SBF2: variants seen among roughly 807,000 people sequenced by gnomAD.
SBF2 encodes SET binding factor 2.
In SBF2, 112 loss-of-function variants were observed where a neutral mutation model predicts 225.2. The ratio of observed to expected loss-of-function variants is 0.50; its 90% confidence interval spans 0.43 to 0.58. SBF2 has a LOEUF of 0.58. Ranked by LOEUF, SBF2 falls within the 20% of genes least tolerant of loss-of-function variation. The probability of loss-of-function intolerance (pLI) is 0.00; values close to 1 mark genes in which losing one functional copy is unlikely to be tolerated. For missense variants in SBF2, 1,996 were observed against 2,206.2 expected, an observed-to-expected ratio of 0.90 and a Z score of 1.91; for synonymous variants, 763 against 773.3, an observed-to-expected ratio of 0.99 and a Z score of 0.22.
At position 10,112,242 on chromosome 11, in the gene SBF2, A is replaced by C. The variant is rs1217396876; in HGVS notation, c.142-69261T>G. On this transcript the variant is annotated intron_variant, in intron 2 of 39. Transcript: ENST00000256190. ...CCTGATATGGTTTGGCTATGTCCCC[A>C]CCCAAATCTCACCTTGAATTGTAAC... Among the ~76,000 whole-genome samples, 8 of 152,330 alleles carry C rather than the reference A, an allele frequency of 5.3e-5. No homozygotes were observed. The East Asian group carries it at 1.5e-3, about 29-fold the overall frequency.
intron 9 of SBF2, among the ~76,000 whole-genome samples, chr11:9,995,617 A>G (rs1431325301): frequency 1.3e-5 from 2 of 151,552 alleles, no homozygotes; most frequent in Non-Finnish European, 1.5e-5. Flanking sequence ...TAGTTTGACA[A>G]TACATTATGC....
chr11:10,122,535 A>G (rs1282300279), intron 2 of SBF2, among the ~76,000 whole-genome samples: 4 of 152,254 alleles, frequency 2.6e-5, no homozygotes, highest in Non-Finnish European at 4.4e-5. Flanking sequence ...TATGTGGCAC[A>G]CAGCCAAGGT....
chr11:10,208,271 G>A (rs1957810693), intron 1 of SBF2, among the ~76,000 whole-genome samples: 1 of 152,042 alleles, frequency 6.6e-6, no homozygotes, highest in Admixed American at 6.6e-5. Context: ...CACTATGATT[G>A]CTGATCTGAA....
chr11:10,285,516 T>C (rs1963698394), intron 1 of SBF2, among the ~76,000 whole-genome samples: 1 of 152,158 alleles, frequency 6.6e-6, no homozygotes, highest in African/African-American at 2.4e-5. Context: ...AAGTAAATAA[T>C]TGTGTAATTT....
intron 16 of SBF2, among the ~76,000 whole-genome samples, chr11:9,930,890 C>G (rs912525887): frequency 6.6e-6 from 1 of 152,222 alleles, no homozygotes; most frequent in Non-Finnish European, 1.5e-5. Context: ...CGGGACACTC[C>G]CACCCAAATA....
In SBF2 at chr11:10,226,364, T is replaced by C. The variant is rs369313839; in HGVS notation, c.56-32377A>G. On this transcript the variant is annotated intron_variant, in intron 1 of 39. Coordinates refer to ENST00000256190, the MANE Select transcript of SBF2 (RefSeq NM_030962.4). ...TATTATTATAGTTTAAGTTTTAGGGTACATGTGCACAACGTGCAGGTTTGT... is the reference window on the plus strand; with the variant it reads ...TATTATTATAGTTTAAGTTTTAGGGCACATGTGCACAACGTGCAGGTTTGT... Among the ~76,000 whole-genome samples, 6 of 152,188 alleles carry C rather than the reference T, an allele frequency of 3.9e-5. No homozygotes were observed. In the East Asian group the frequency reaches 5.8e-4, roughly 15 times the overall value.
chr11:10,245,024 C>T (rs1452322902), intron 1 of SBF2, among the ~76,000 whole-genome samples: 3 of 150,818 alleles, frequency 2.0e-5, no homozygotes, highest in Non-Finnish European at 2.9e-5. Context: ...GTCCTGGCCA[C>T]TCAGGAGACT....
intron 13 of SBF2, among the ~76,000 whole-genome samples, chr11:9,978,600 G>A (rs566026021): frequency 6.6e-6 from 1 of 152,252 alleles, no homozygotes; most frequent in East Asian, 1.9e-4. Flanking sequence ...CAATTTTAAA[G>A]AATAGGGATT....
intron 6 of SBF2, among the ~76,000 whole-genome samples, chr11:10,007,226 C>T (rs7108187): frequency 0.11 from 16,761 of 152,140 alleles, 1,052 homozygotes; most frequent in Non-Finnish European, 0.13. Context: ...AGGGGATGCC[C>T]TATTCAGGAT....
chr11:9,993,094 C>T lies in SBF2; in HGVS notation c.1063G>A (p.Val355Met). 6.2e-7 allele frequency: 1 copy of T among 1,605,412 alleles called. No homozygotes were observed. Among genetic ancestry groups the T allele is most frequent in the Non-Finnish European group, 8.5e-7 (1 of 1,174,390 alleles). ...AATAATCTAAGGAAAACGGCTCGCACCTCTTTATCCTAAAAATATAAGAAG... is the reference window on the plus strand; with the variant it reads ...AATAATCTAAGGAAAACGGCTCGCATCTCTTTATCCTAAAAATATAAGAAG... ...LSHSKMLDKEVRAVFLRLFAQ... is the reference protein window; with the variant it reads ...LSHSKMLDKEMRAVFLRLFAQ... The change falls in exon 11 of 40, where the codon GTG (valine) becomes ATG (methionine). Residue 355 changes from valine to methionine, a missense_variant. By Grantham distance (21) the Val-to-Met change is conservative. Coordinates refer to ENST00000256190, the MANE Select transcript of SBF2 (RefSeq NM_030962.4).
intron 6 of SBF2, among the ~76,000 whole-genome samples, chr11:10,012,340 C>T (rs1447054128): frequency 2.0e-5 from 3 of 152,128 alleles, no homozygotes; most frequent in Admixed American, 6.6e-5. Flanking sequence ...TGAGTTCTCA[C>T]TATGTTTCTC....
intron 17 of SBF2, among the ~76,000 whole-genome samples, chr11:9,886,161 T>C (rs1216915064): frequency 1.3e-5 from 2 of 152,198 alleles, no homozygotes; most frequent in African/African-American, 4.8e-5. Flanking sequence ...TTTCTCACTG[T>C]TTTCTTGCAA....
At chr11:9,927,436 T>C (rs1864140691) in intron 16 of SBF2, among the ~76,000 whole-genome samples, 1 of 152,072 alleles carries the variant, frequency 6.6e-6, no homozygotes, top group Non-Finnish European at 1.5e-5. Context: ...AATTAGCAAA[T>C]CAAATCCGAC....
chr11:10,235,885 T>C (rs1348583226), intron 1 of SBF2, among the ~76,000 whole-genome samples: 1 of 152,038 alleles, frequency 6.6e-6, no homozygotes, highest in African/African-American at 2.4e-5. Context: ...CTAAGCAACA[T>C]AGTGAGACCC....
intron 2 of SBF2, among the ~76,000 whole-genome samples, chr11:10,063,830 AACACACACACACAC>A (rs140036479): frequency 7.1e-6 from 1 of 140,164 alleles, no homozygotes; most frequent in African/African-American, 2.6e-5. Flanking sequence ...TCTAAAATAA[AACACACACACACAC>A]ACACACACAC....
chr11:9,956,455 T>A (rs1409375944), intron 16 of SBF2: 1 of 152,240 alleles, frequency 6.6e-6, no homozygotes, highest in African/African-American at 2.4e-5. Flanking sequence ...GACTTTTTAA[T>A]TCTTGCCAGT....
At chr11:9,958,641 A>C (rs1866357955) in intron 16 of SBF2, 1 of 265,676 alleles carries the variant, frequency 3.8e-6, no homozygotes, top group Admixed American at 4.2e-5. Flanking sequence ...TACAGGCGTG[A>C]GCATCCTTTC....
intron 2 of SBF2, among the ~76,000 whole-genome samples, chr11:10,134,956 C>T (rs532161339): frequency 1.3e-5 from 2 of 152,222 alleles, no homozygotes; most frequent in Admixed American, 6.5e-5. Context: ...TTCAACCCCA[C>T]GTTTCCCTTT....
chr11:9,833,305 G>A (rs1343290716), intron 26 of SBF2, among the ~76,000 whole-genome samples: 1 of 151,934 alleles, frequency 6.6e-6, no homozygotes, highest in African/African-American at 2.4e-5. Context: ...ATAAATGCAA[G>A]AAGACAGGCA....
Sources: allele counts gnomAD v4.1 joint callset (sites outside exome capture counted in the v4.1 genomes callset), GRCh38; gene constraint gnomAD v4.1.1; transcripts MANE v1.5; gene names NCBI Gene and HGNC (gene_info 2026-07-23, HGNC 2026-07-21).